Variants in DNAJC21 observed in about 807,000 individuals in gnomAD.
The protein encoded by DNAJC21 is DnaJ heat shock protein family (Hsp40) member C21.
DNAJC21 carries 63 observed loss-of-function variants against 72.4 expected under a neutral mutation model. That is an observed-to-expected ratio of 0.87 (90% CI 0.71 to 1.07). The LOEUF (loss-of-function observed/expected upper bound fraction) is 1.07. Among genes scored for constraint, DNAJC21 ranks in the 50% least tolerant of loss-of-function variants. The probability of loss-of-function intolerance (pLI) is 0.00; values close to 1 mark genes in which losing one functional copy is unlikely to be tolerated. For missense variants in DNAJC21, 634 were observed against 644.8 expected, an observed-to-expected ratio of 0.98 and a Z score of 0.18; for synonymous variants, 203 against 216.7, an observed-to-expected ratio of 0.94 and a Z score of 0.56.
chr5:34,950,685 C>T (rs1765333696), intron 10 of DNAJC21: 2 of 999,026 alleles, frequency 2.0e-6, no homozygotes, highest in Non-Finnish European at 2.4e-6. Context: ...CTGCTGCGTC[C>T]CTGGAGTGTC....
At position 34,933,919 on chromosome 5, in the gene DNAJC21, C is replaced by T. The variant is rs370030459; in HGVS notation, c.191+11C>T. On this transcript the variant is annotated intron_variant, in intron 2 of 11. Transcript: ENST00000648817. ...TCAGGAAAGAGCATGGTGAGCATCACGCTGTCCTTCCCATCCTAGTTTATG... is the reference window on the plus strand; with the variant it reads ...TCAGGAAAGAGCATGGTGAGCATCATGCTGTCCTTCCCATCCTAGTTTATG... 2.7e-4 allele frequency: 438 copies of T among 1,610,412 alleles called. 1 individual carries two copies. The highest frequency in any genetic ancestry group is 8.3e-4 in the Middle Eastern group (5 of 6,054).
Position 34,956,328 on chromosome 5 carries a change from T to C in DNAJC21, c.*1614T>C, listed in dbSNP as rs1336839567. Reference sequence around the variant, plus strand: ...AACCTTAATTTAAATTCTTTTCTTTTCCATTTAGAGATATGTTTTTTTCTT... The same window carrying C: ...AACCTTAATTTAAATTCTTTTCTTTCCCATTTAGAGATATGTTTTTTTCTT... On this transcript the variant is annotated 3_prime_UTR_variant, in exon 12 of 12. Transcript: ENST00000648817. 1 of 152,428 alleles carries C rather than the reference T, an allele frequency of 6.6e-6. No individual in the cohort carries two copies. Among genetic ancestry groups the C allele is most frequent in the East Asian group, 1.9e-4 (1 of 5,194 alleles). The allele number at this position is 152,428 out of a possible 1,614,324, so 9.4% of individuals were successfully genotyped here. A position where few individuals can be genotyped will look rare whatever the true frequency, so the allele number is the denominator to read the frequency against.
chr5:34,945,909 T>G, intron 9 of DNAJC21, 106 bp downstream of exon 9: 1 of 737,166 alleles, frequency 1.4e-6, no homozygotes, highest in Non-Finnish European at 2.1e-6. Flanking sequence ...TACTCCATAA[T>G]TTTATGTTGA....
At chr5:34,944,342 A>G (rs1277373399) in intron 7 of DNAJC21, among the ~76,000 whole-genome samples, 1 of 152,212 alleles carries the variant, frequency 6.6e-6, no homozygotes, top group Non-Finnish European at 1.5e-5. Context: ...CCTTCCCACC[A>G]CCATTTCTCT....
At chr5:34,942,348 C>T (rs1215289227) in intron 7 of DNAJC21, among the ~76,000 whole-genome samples, 1 of 151,634 alleles carries the variant, frequency 6.6e-6, no homozygotes, top group Non-Finnish European at 1.5e-5. Flanking sequence ...GGAAACAACA[C>T]GGGAGAAAAT....
At chr5:34,939,366 C>T (rs1481481374) in intron 6 of DNAJC21, among the ~76,000 whole-genome samples, 4 of 152,138 alleles carry the variant, frequency 2.6e-5, no homozygotes, top group Non-Finnish European at 4.4e-5. Flanking sequence ...CCTGGGTTCA[C>T]GCCATTCTCC....
chr5:34,938,780 G>A, intron 5 of DNAJC21, 78 bp from the exon 6 acceptor site: 1 of 1,411,068 alleles, frequency 7.1e-7, no homozygotes, highest in East Asian at 2.6e-5. Context: ...TAGTGGGAAT[G>A]GATTTTAAAC....
chr5:34,947,402 T>G (rs1580537268), intron 9 of DNAJC21, among the ~76,000 whole-genome samples: 1 of 152,254 alleles, frequency 6.6e-6, no homozygotes, highest in South Asian at 2.1e-4. Flanking sequence ...TTTCACCAAT[T>G]TCATAGAGGA....
At position 34,954,563 on chromosome 5, in the gene DNAJC21, T is replaced by A; in HGVS notation, c.1445T>A (p.Ile482Asn). The change falls in exon 12 of 12, where the codon ATC becomes AAC. Residue 482 changes from isoleucine (I) to asparagine (N), a missense_variant. Transcript: ENST00000648817. ...TTTTGCCCTTCTCAGAGTGTTCTTA[T>A]CAGCTGTACAACCTGCCATAGTGAA... ...PAEPQTMSVL[I>N]SCTTCHSEFP... 1 of 1,609,382 alleles carries A rather than the reference T, an allele frequency of 6.2e-7. No homozygotes were observed. The highest frequency in any genetic ancestry group is 1.1e-5 in the South Asian group (1 of 89,858).
chr5:34,942,875 C>T (rs1765045504), intron 7 of DNAJC21, among the ~76,000 whole-genome samples: 1 of 152,072 alleles, frequency 6.6e-6, no homozygotes, highest in Non-Finnish European at 1.5e-5. Context: ...TTGAGACCAG[C>T]CTGACCAACA....
intron 10 of DNAJC21, chr5:34,950,555 G>A: frequency 8.5e-7 from 1 of 1,180,488 alleles, no homozygotes; most frequent in Non-Finnish European, 1.0e-6. Context: ...ACACATCTCA[G>A]CAGCATGGCC....
At chr5:34,938,798 G>C in intron 5 of DNAJC21, 60 bp from the exon 6 acceptor site, 1 of 1,472,360 alleles carries the variant, frequency 6.8e-7, no homozygotes, top group Non-Finnish European at 9.0e-7. Context: ...AACCTAAGTA[G>C]TAAGTGAAAA....
At chr5:34,944,813 C>T (rs1471503777) in intron 7 of DNAJC21, 54 bp from the exon 8 acceptor site, 91 of 1,599,762 alleles carry the variant, frequency 5.7e-5, no homozygotes. Flanking sequence ...GCAACATTAT[C>T]TGGACACGTG....
At chr5:34,949,697 G>T (rs1561191332) in intron 9 of DNAJC21, 6 of 1,612,896 alleles carry the variant, frequency 3.7e-6, no homozygotes, top group Non-Finnish European at 3.4e-6. Context: ...GGATATGTTT[G>T]CCAGGCGTCT....
intron 4 of DNAJC21, among the ~76,000 whole-genome samples, chr5:34,936,542 A>T (rs1003634211): frequency 2.6e-5 from 4 of 151,350 alleles, no homozygotes; most frequent in African/African-American, 9.7e-5. Flanking sequence ...CTGATCTTGA[A>T]CTCCTGGCCT....
chr5:34,939,058 T>C, intron 6 of DNAJC21, 49 bp downstream of exon 6: 1 of 1,439,102 alleles, frequency 6.9e-7, no homozygotes, highest in Non-Finnish European at 9.2e-7. Flanking sequence ...TAAGTGAAGC[T>C]GGAAATCTCC....
At position 34,958,489 on chromosome 5, in the gene DNAJC21, G is replaced by A. The variant is rs1580547938; in HGVS notation, c.*3775G>A. The A allele has an allele frequency of 6.6e-6, 1 of 152,180 alleles. No individual in the cohort carries two copies. Among genetic ancestry groups the A allele is most frequent in the Non-Finnish European group, 1.5e-5 (1 of 68,034 alleles). The allele number at this position is 152,180 out of a possible 1,614,324, so 9.4% of individuals were successfully genotyped here. On this transcript the variant is annotated 3_prime_UTR_variant, in exon 12 of 12. Coordinates refer to ENST00000648817, the MANE Select transcript of DNAJC21 (RefSeq NM_001012339.3). ...TGAGAATCTATAAGGTTATTTTCATGATTTTGCAAATGGGAAGGATTTCTT... is the reference window on the plus strand; with the variant it reads ...TGAGAATCTATAAGGTTATTTTCATAATTTTGCAAATGGGAAGGATTTCTT...
intron 7 of DNAJC21, among the ~76,000 whole-genome samples, chr5:34,942,631 C>A (rs1460391146): frequency 6.6e-6 from 1 of 152,128 alleles, no homozygotes; most frequent in Non-Finnish European, 1.5e-5. Context: ...GTCTGATTGA[C>A]CTGTTACTAA....
intron 10 of DNAJC21, chr5:34,953,413 A>G (rs1353448154): frequency 6.6e-6 from 1 of 152,020 alleles, no homozygotes; most frequent in African/African-American, 2.4e-5. Flanking sequence ...GGTGCCTGCC[A>G]CCACGCTCAG....
Sources: gnomAD v4.1 joint callset for allele counts (sites outside exome capture counted in the v4.1 genomes callset) on GRCh38, gnomAD v4.1.1 for gene constraint, MANE v1.5 for transcripts, NCBI Gene and HGNC (gene_info 2026-07-23, HGNC 2026-07-21) for gene names.